Variants in FYN observed in about 807,000 individuals in gnomAD.
FYN encodes the protein tyrosine-protein kinase Fyn.
In FYN, 10 loss-of-function variants were observed where a neutral mutation model predicts 70.2. The observed-to-expected ratio is 0.14, with a 90% CI of 0.09 to 0.24. FYN has a LOEUF of 0.24. Among genes scored for constraint, FYN ranks in the 10% least tolerant of loss-of-function variants. The probability of loss-of-function intolerance (pLI) is 1.00; values close to 1 mark genes in which losing one functional copy is unlikely to be tolerated. For missense variants in FYN, 319 were observed against 673.1 expected (o/e 0.47, Z 5.82); for synonymous variants, 236 against 248.6 (o/e 0.95, Z 0.48).
intron 2 of FYN, among the ~76,000 whole-genome samples, chr6:111,835,465 T>C (rs1335611372): frequency 6.6e-6 from 1 of 152,262 alleles, no homozygotes; most frequent in Admixed American, 6.5e-5. Flanking sequence ...GCAATTTTAC[T>C]TCTGCGCAGA....
chr6:111,840,757 G>A (rs1773334412), intron 2 of FYN, among the ~76,000 whole-genome samples: 1 of 152,140 alleles, frequency 6.6e-6, no homozygotes, highest in Non-Finnish European at 1.5e-5. Flanking sequence ...GTATTTAGGG[G>A]CACTGACAAA....
chr6:111,697,529 A>T (rs1799626776), intron 9 of FYN, among the ~76,000 whole-genome samples: 1 of 152,228 alleles, frequency 6.6e-6, no homozygotes, highest in Admixed American at 6.5e-5. Context: ...CAATTACAAC[A>T]TGCAACCTAC....
At chr6:111,715,477 G>C (rs538821504) in intron 4 of FYN, among the ~76,000 whole-genome samples, 135 of 152,076 alleles carry the variant, frequency 8.9e-4, no homozygotes, top group Non-Finnish European at 1.6e-3. Context: ...TGGATCTAAC[G>C]ACTTGCTTCT....
chr6:111,690,051 G>A (rs894530458), intron 12 of FYN, among the ~76,000 whole-genome samples: 5 of 152,162 alleles, frequency 3.3e-5, no homozygotes, highest in African/African-American at 1.2e-4. Flanking sequence ...AAAAACTAGA[G>A]TCTGCAGAGG....
At chr6:111,825,867 T>G (rs1351168692) in intron 2 of FYN, among the ~76,000 whole-genome samples, 1 of 152,166 alleles carries the variant, frequency 6.6e-6, no homozygotes, top group Non-Finnish European at 1.5e-5. Context: ...TCTATGGTAT[T>G]GAGAAAGACA....
At chr6:111,705,771 C>A (rs776859706) in intron 6 of FYN, among the ~76,000 whole-genome samples, 2 of 152,104 alleles carry the variant, frequency 1.3e-5, no homozygotes, top group African/African-American at 4.8e-5. Context: ...ATTGCTTGAA[C>A]CAGGGATGTG....
chr6:111,771,236 G>A (rs1009295029), intron 3 of FYN, among the ~76,000 whole-genome samples: 9 of 152,140 alleles, frequency 5.9e-5, no homozygotes, highest in African/African-American at 2.2e-4. Context: ...CCTGTGACAT[G>A]TTAACACAGT....
At chr6:111,828,630 T>G (rs901214276) in intron 2 of FYN, among the ~76,000 whole-genome samples, 1 of 151,136 alleles carries the variant, frequency 6.6e-6, no homozygotes, top group African/African-American at 2.4e-5. Flanking sequence ...TGGAGGACAT[T>G]ATGCTAAATG....
At chr6:111,827,484 C>T (rs1409916079) in intron 2 of FYN, among the ~76,000 whole-genome samples, 2 of 152,170 alleles carry the variant, frequency 1.3e-5, no homozygotes, top group Non-Finnish European at 2.9e-5. Context: ...TGTAGAGGAA[C>T]AACACTGGGG....
At chr6:111,789,413 A>AC (rs1771524650) in intron 2 of FYN, among the ~76,000 whole-genome samples, 1 of 152,114 alleles carries the variant, frequency 6.6e-6, no homozygotes, top group Non-Finnish European at 1.5e-5. Flanking sequence ...ATCCCCATCA[A>AC]CCCCCAGGCA....
At chr6:111,711,747 A>G (rs1583345178) in intron 5 of FYN, among the ~76,000 whole-genome samples, 1 of 152,118 alleles carries the variant, frequency 6.6e-6, no homozygotes, top group Admixed American at 6.5e-5. Flanking sequence ...GGAGGGGAGG[A>G]GCCGTGTGCC....
chr6:111,760,292 T>A (rs899127081), intron 3 of FYN, among the ~76,000 whole-genome samples: 1 of 152,094 alleles, frequency 6.6e-6, no homozygotes, highest in African/African-American at 2.4e-5. Flanking sequence ...AAACCCGCAC[T>A]GCTTGGAGGA....
At chr6:111,838,186 C>T (rs1455246118) in intron 2 of FYN, among the ~76,000 whole-genome samples, 3 of 152,182 alleles carry the variant, frequency 2.0e-5, no homozygotes, top group East Asian at 3.9e-4. Flanking sequence ...AAAAAATCAC[C>T]CATGGGCTAA....
At position 111,802,769 on chromosome 6, in the gene FYN, TCTGG is replaced by T. The variant is rs755200836; in HGVS notation, c.-81-22138_-81-22135del. ...TTCATAGCAGTGTGAGAACACTCTT[TCTGG>T]CTGAAAAAAAAAAAAAAATTCATTG... On this transcript the variant is annotated intron_variant, in intron 2 of 13. Coordinates refer to ENST00000354650, the MANE Select transcript of FYN (RefSeq NM_002037.5). 2.7e-4 allele frequency among the ~76,000 whole-genome samples: 39 copies of T among 143,854 alleles called. No individual in the cohort carries two copies. In the South Asian group the frequency reaches 3.2e-3, roughly 12 times the overall value. The allele number at this position is 143,854 out of a possible 152,430, so 94.4% of individuals were successfully genotyped here. A position where few individuals can be genotyped will look rare whatever the true frequency, so the allele number is the denominator to read the frequency against.
chr6:111,801,176 T>C (rs769697652), intron 2 of FYN, among the ~76,000 whole-genome samples: 4 of 152,194 alleles, frequency 2.6e-5, no homozygotes, highest in Non-Finnish European at 4.4e-5. Flanking sequence ...CTGGCGATGC[T>C]GCAGGTGGCC....
intron 1 of FYN, among the ~76,000 whole-genome samples, chr6:111,862,324 A>G (rs1436803204): frequency 6.6e-6 from 1 of 152,230 alleles, no homozygotes; most frequent in Non-Finnish European, 1.5e-5. Flanking sequence ...CAAACAAAAA[A>G]TCTTCAAACA....
intron 3 of FYN, among the ~76,000 whole-genome samples, chr6:111,763,503 G>C (rs1803089734): frequency 6.6e-6 from 1 of 152,172 alleles, no homozygotes; most frequent in Non-Finnish European, 1.5e-5. Context: ...AAAATAGCTT[G>C]TTTGTCTTGT....
chr6:111,812,604 CTTTTT>C (rs369326017), intron 2 of FYN, among the ~76,000 whole-genome samples: 2 of 101,282 alleles, frequency 2.0e-5, no homozygotes, highest in African/African-American at 3.4e-5. Flanking sequence ...AGAAATTTTC[CTTTTT>C]TTTTTTTTTT....
chr6:111,720,149 G>A (rs897636123), intron 3 of FYN, 87 bp from the exon 4 acceptor site: 3 of 1,455,844 alleles, frequency 2.1e-6, no homozygotes, highest in Non-Finnish European at 2.8e-6. Context: ...TAATTGACAA[G>A]GCTCACTGTT....
Sources: allele counts gnomAD v4.1 joint callset (sites outside exome capture counted in the v4.1 genomes callset), GRCh38; gene constraint gnomAD v4.1.1; transcripts MANE v1.5; gene names NCBI Gene and HGNC (gene_info 2026-07-23, HGNC 2026-07-21).